TDRD7: variants seen among roughly 807,000 people sequenced by gnomAD.
The protein encoded by TDRD7 is tudor domain-containing protein 7.
Under a neutral mutation model 109.8 loss-of-function variants are expected in TDRD7, and 47 were observed. That is an observed-to-expected ratio of 0.43 (90% CI 0.34 to 0.55). The LOEUF is 0.55. Among genes scored for constraint, TDRD7 ranks in the 20% least tolerant of loss-of-function variants. The pLI, the probability that TDRD7 is intolerant of heterozygous loss-of-function variation, is 0.03. For synonymous variants in TDRD7, 424 were observed against 457.3 expected, an observed-to-expected ratio of 0.93 and a Z score of 0.93; for missense variants, 1,164 against 1,319.2, an observed-to-expected ratio of 0.88 and a Z score of 1.82.
intron 6 of TDRD7, among the ~76,000 whole-genome samples, chr9:97,454,172 AG>A (rs1184128124): frequency 6.6e-6 from 1 of 152,222 alleles, no homozygotes; most frequent in Non-Finnish European, 1.5e-5. Flanking sequence ...CAAATGCAAA[AG>A]AACTGAAATT....
chr9:97,423,475 T>G (rs1047831011), intron 1 of TDRD7, among the ~76,000 whole-genome samples: 1 of 152,066 alleles, frequency 6.6e-6, no homozygotes, highest in African/African-American at 2.4e-5. Context: ...TTCATGATTC[T>G]TTTCTCTCCT....
chr9:97,488,970 C>G (rs1056825455), intron 16 of TDRD7, among the ~76,000 whole-genome samples: 1 of 152,174 alleles, frequency 6.6e-6, no homozygotes, highest in African/African-American at 2.4e-5. Context: ...AGCTATCTTT[C>G]TGTTACTGAT....
At chr9:97,418,778 TAGTAAC>T (rs981225441) in intron 1 of TDRD7, among the ~76,000 whole-genome samples, 8 of 152,324 alleles carry the variant, frequency 5.3e-5, no homozygotes, top group Middle Eastern at 3.4e-3. Context: ...TGTTAGGTTT[TAGTAAC>T]AGGACACCCA....
intron 4 of TDRD7, among the ~76,000 whole-genome samples, chr9:97,437,436 C>T (rs1427479160): frequency 1.3e-5 from 2 of 152,172 alleles, no homozygotes; most frequent in African/African-American, 2.4e-5. Context: ...TTTGCTTCAT[C>T]AAAGCAACAA....
chr9:97,440,602 C>T (rs7048438), intron 5 of TDRD7, among the ~76,000 whole-genome samples: 10,959 of 152,200 alleles, frequency 0.072, 625 homozygotes, highest in African/African-American at 0.16. Context: ...AGGCCAGATC[C>T]TGCCCTTTGA....
At chr9:97,494,821 C>A (rs918789334) in intron 16 of TDRD7, among the ~76,000 whole-genome samples, 2 of 151,584 alleles carry the variant, frequency 1.3e-5, no homozygotes, top group African/African-American at 4.8e-5. Context: ...AGCGATCCTC[C>A]TCCCTTAGCC....
In TDRD7 at chr9:97,496,004, A is replaced by C; in HGVS notation, c.*121A>C. The C allele has an allele frequency of 2.5e-6, 2 of 795,288 alleles. No homozygotes were observed. The highest frequency in any genetic ancestry group is 4.1e-5 in the Admixed American group (2 of 49,234). The allele number at this position is 795,288 out of a possible 1,614,324, so 49.3% of individuals were successfully genotyped here. On this transcript the variant is annotated 3_prime_UTR_variant, in exon 17 of 17. Transcript: ENST00000355295. ...TGACTGCTGTGGGGGATTGAAAAGA[A>C]TATGCTTATGTTTGATGAAAGATAT...
intron 7 of TDRD7, among the ~76,000 whole-genome samples, chr9:97,461,712 C>A (rs904316962): frequency 1.3e-5 from 2 of 152,168 alleles, no homozygotes; most frequent in Non-Finnish European, 2.9e-5. Flanking sequence ...GTAGCTGAAC[C>A]CCTGGAGGTA....
intron 15 of TDRD7, 80 bp downstream of exon 15, chr9:97,483,431 G>A (rs903820238): frequency 6.5e-7 from 1 of 1,539,772 alleles, no homozygotes; most frequent in Admixed American, 1.7e-5. Flanking sequence ...TCTTGGCGGG[G>A]GGACTTCGAA....
In TDRD7 at chr9:97,478,461, G is replaced by A. The variant is rs774837838; in HGVS notation, c.2189G>A (p.Arg730Gln). The A allele has an allele frequency of 3.2e-5, 51 of 1,613,920 alleles. No homozygotes were observed. The South Asian group carries it at 4.7e-4, about 15-fold the overall frequency. Residue 730 changes from arginine (R) to glutamine (Q), a missense_variant, in exon 13 of 17, where the codon CGG becomes CAG. By Grantham distance (43) the Arg-to-Gln change is conservative (BLOSUM62 1). Transcript: ENST00000355295. Reference sequence around the variant, plus strand: ...CAGATCACAAATGTTCACAGCAGCCGGGCTCTTGATGTTCAGTTCCTGGAC... The same window carrying A: ...CAGATCACAAATGTTCACAGCAGCCAGGCTCTTGATGTTCAGTTCCTGGAC... ...RVEITNVHSS[R>Q]ALDVQFLDSG... is the part of the protein sequence containing the mutation.
At chr9:97,462,263 GT>G (rs1488718477) in intron 7 of TDRD7, among the ~76,000 whole-genome samples, 12 of 152,154 alleles carry the variant, frequency 7.9e-5, no homozygotes, top group African/African-American at 2.9e-4. Context: ...CAATCACATG[GT>G]TTCTGTTGTT....
At chr9:97,447,704 C>T (rs1828425557) in intron 6 of TDRD7, among the ~76,000 whole-genome samples, 1 of 152,180 alleles carries the variant, frequency 6.6e-6, no homozygotes. Context: ...TGCACCTGCC[C>T]CAACTCCTGC....
chr9:97,435,628 C>CCTAT (rs10665121), intron 4 of TDRD7, among the ~76,000 whole-genome samples: 1 of 150,448 alleles, frequency 6.6e-6, no homozygotes, highest in African/African-American at 2.4e-5. Context: ...AGGGTAAGAC[C>CCTAT]CTCTTAAAAA....
intron 1 of TDRD7, among the ~76,000 whole-genome samples, chr9:97,425,459 G>C (rs1304349224): frequency 6.6e-6 from 1 of 152,160 alleles, no homozygotes; most frequent in Non-Finnish European, 1.5e-5. Flanking sequence ...TGTGTAGCCT[G>C]GGAGCAATAG....
At chr9:97,413,432 CCAAG>C (rs1204125913) in intron 1 of TDRD7, among the ~76,000 whole-genome samples, 1 of 152,176 alleles carries the variant, frequency 6.6e-6, no homozygotes, top group Non-Finnish European at 1.5e-5. Flanking sequence ...CAAGGCTTTT[CCAAG>C]ATAACCACTG....
intron 2 of TDRD7, 124 bp downstream of exon 2, chr9:97,428,796 G>A: frequency 1.1e-6 from 1 of 892,594 alleles, no homozygotes; most frequent in Non-Finnish European, 1.8e-6. Context: ...TTTGGGATTG[G>A]TAGTGACAGA....
chr9:97,416,099 C>G (rs1399923397), intron 1 of TDRD7, among the ~76,000 whole-genome samples: 2 of 152,186 alleles, frequency 1.3e-5, no homozygotes, highest in African/African-American at 2.4e-5. Flanking sequence ...CCAGGTTTTA[C>G]TGCATTTAAC....
chr9:97,473,658 A>C (rs1828961224), intron 11 of TDRD7, 32 bp downstream of exon 11: 1 of 1,612,854 alleles, frequency 6.2e-7, no homozygotes, highest in Non-Finnish European at 8.5e-7. Context: ...CTCTAAAATT[A>C]GCCCTAAAAT....
rs1435431190 is a variant in TDRD7, at chr9:97,472,387, T to A, written c.1836T>A (p.Ala612=). 1.2e-6 allele frequency: 2 copies of A among 1,613,844 alleles called. No homozygotes were observed. Among genetic ancestry groups the A allele is most frequent in the Non-Finnish European group, 1.7e-6 (2 of 1,179,874 alleles). The change falls in exon 10 of 17, where the codon GCT becomes GCA. Residue 612 remains alanine, a synonymous_variant. Transcript: ENST00000355295. ...TTGCAGTGGAAATACTTGACAAAGC[T>A]GACATTCCACTTGTTGTTCTGTACG... is the stretch of plus-strand genomic sequence containing the variant. ...KIFAVEILDK[A]DIPLVVLYDT...
Sources: gnomAD v4.1 joint callset for allele counts (sites outside exome capture counted in the v4.1 genomes callset) on GRCh38, gnomAD v4.1.1 for gene constraint, MANE v1.5 for transcripts, NCBI Gene and HGNC (gene_info 2026-07-23, HGNC 2026-07-21) for gene names.